Variants in INSL3 observed in about 807,000 individuals in gnomAD.
INSL3 encodes insulin-like 3.
In INSL3, 6 loss-of-function variants were observed where a neutral mutation model predicts 5.5. The observed-to-expected ratio is 1.08, with a 90% CI of 0.59 to 2.14. The LOEUF (loss-of-function observed/expected upper bound fraction) is 2.14, where lower values mean the gene tolerates loss of function less well. INSL3 is among the 30% of genes most tolerant of loss of function. The pLI, the probability that INSL3 is intolerant of heterozygous loss-of-function variation, is 0.00. For missense variants in INSL3, 178 were observed against 184.7 expected, an observed-to-expected ratio of 0.96 and a Z score of 0.21; for synonymous variants, 86 against 82.1, an observed-to-expected ratio of 1.05 and a Z score of -0.26.
In INSL3 at chr19:17,821,436, G is replaced by C. The variant is rs186828508; in HGVS notation, c.71C>G (p.Ala24Gly). The change falls in exon 1 of 2, where the codon GCG (alanine) becomes GGG (glycine). Residue 24 changes from alanine to glycine, a missense_variant. Coordinates refer to ENST00000317306, the MANE Select transcript of INSL3 (RefSeq NM_005543.4). ...GPALVFALGP[A>G]PTPEMREKLC... ...CTTCTCACGCATCTCTGGGGTGGGC[G>C]CGGGGCCCAACGCGAACACCAGGGC... The C allele has an allele frequency of 1.5e-3, 2,357 of 1,544,556 alleles. 5 individuals carry two copies. The highest frequency in any genetic ancestry group is 1.5e-3 in the Non-Finnish European group (1,703 of 1,142,958).
intron 1 of INSL3, among the ~76,000 whole-genome samples, chr19:17,819,692 T>A (rs1030709562): frequency 4.6e-5 from 7 of 151,760 alleles, no homozygotes; most frequent in African/African-American, 1.5e-4. Flanking sequence ...ATACAAAAAA[T>A]TTAGCTGGGC....
At chr19:17,821,182 T>G (rs1272954978) in intron 1 of INSL3, 135 bp downstream of exon 1, 1 of 1,043,002 alleles carries the variant, frequency 9.6e-7, no homozygotes, top group African/African-American at 1.6e-5. Context: ...CCACGATCTG[T>G]GCACGCAGCC....
intron 1 of INSL3, chr19:17,820,304 AAAT>A (rs1406583536): frequency 8.9e-6 from 3 of 336,930 alleles, no homozygotes; most frequent in Admixed American, 8.9e-5. Flanking sequence ...AATAAAAATA[AAAT>A]AATAAAATAA....
chr19:17,820,423 C>G, intron 1 of INSL3: 1 of 380,824 alleles, frequency 2.6e-6, no homozygotes, highest in South Asian at 1.9e-5. Flanking sequence ...TTTGGAAGGT[C>G]AAGGTGGGAG....
chr19:17,816,667 G>T lies in INSL3; in HGVS notation c.*187C>A. 1.6e-6 allele frequency: 1 copy of T among 631,816 alleles called. No homozygotes were observed. Among genetic ancestry groups the T allele is most frequent in the Non-Finnish European group, 2.8e-6 (1 of 353,756 alleles). The allele number at this position is 631,816 out of a possible 1,614,324, so 39.1% of individuals were successfully genotyped here. A position where few individuals can be genotyped will look rare whatever the true frequency, so the allele number is the denominator to read the frequency against. ...ATCCTCCAAGCCAGGGCTAGGGTGT[G>T]ATTTATTCTGCAGTTGACTCCACAG... On this transcript the variant is annotated 3_prime_UTR_variant, in exon 2 of 2. Coordinates refer to ENST00000317306, the MANE Select transcript of INSL3 (RefSeq NM_005543.4).
At position 17,817,072 on chromosome 19, in the gene INSL3, T is replaced by G. The variant is rs147619985; in HGVS notation, c.191-13A>C. 6.2e-7 allele frequency: 1 copy of G among 1,610,792 alleles called. No homozygotes were observed. Among genetic ancestry groups the G allele is most frequent in the African/African-American group, 1.3e-5 (1 of 74,834 alleles). On this transcript the variant is annotated splice_polypyrimidine_tract_variant and intron_variant, in intron 1 of 1. Transcript: ENST00000317306. ...TGTAGCAACTCACCTGGGGACAGAG[T>G]GAAACTCAGCTGGAACGGAAACGAC... is the stretch of plus-strand genomic sequence containing the variant.
At chr19:17,819,612 C>G (rs2382986) in intron 1 of INSL3, among the ~76,000 whole-genome samples, 2 of 152,022 alleles carry the variant, frequency 1.3e-5, no homozygotes, top group Non-Finnish European at 2.9e-5. Context: ...GAGGCCGAGG[C>G]AGGTGGATCA....
At chr19:17,817,265 C>G (rs1436763403) in intron 1 of INSL3, among the ~76,000 whole-genome samples, 1 of 147,098 alleles carries the variant, frequency 6.8e-6, no homozygotes, top group South Asian at 2.2e-4. Flanking sequence ...ATCACGAGGT[C>G]AGGAGTTTGA....
Position 17,821,380 on chromosome 19 carries a change from C to G in INSL3, c.127G>C (p.Val43Leu). The G allele has an allele frequency of 1.3e-6, 2 of 1,548,622 alleles. No homozygotes were observed. Among genetic ancestry groups the G allele is most frequent in the Non-Finnish European group, 1.7e-6 (2 of 1,146,166 alleles). ...CAGCGGGGGCCCCCGCACACGCGCA[C>G]TAGCGCGCGTACGAAGTGGTGGCCG... ...LCGHHFVRAL[V>L]RVCGGPRWST... The change falls in exon 1 of 2, where the codon GTG (valine) becomes CTG (leucine). Residue 43 changes from valine (V) to leucine (L), a missense_variant. Coordinates refer to ENST00000317306, the MANE Select transcript of INSL3 (RefSeq NM_005543.4).
In INSL3 at chr19:17,816,551, G is replaced by T; in HGVS notation, c.*303C>A. The T allele has an allele frequency of 2.2e-6, 1 of 461,220 alleles. No homozygotes were observed. Among genetic ancestry groups the T allele is most frequent in the Non-Finnish European group, 4.0e-6 (1 of 250,544 alleles). 28.6% of individuals were successfully genotyped at this position (461,220 alleles called of 1,614,324 possible). ...TTTATTTACTAAGAGACAGCAAGAA[G>T]GGGTGTTACACATGCAGGGAGCGGA... On this transcript the variant is annotated 3_prime_UTR_variant, in exon 2 of 2. Coordinates refer to ENST00000317306, the MANE Select transcript of INSL3 (RefSeq NM_005543.4).
At chr19:17,819,262 T>G (rs978433137) in intron 1 of INSL3, among the ~76,000 whole-genome samples, 1 of 149,706 alleles carries the variant, frequency 6.7e-6, no homozygotes, top group Non-Finnish European at 1.5e-5. Flanking sequence ...AATAATAATA[T>G]TAATATTTTT....
At chr19:17,817,123 T>A in intron 1 of INSL3, 64 bp from the exon 2 acceptor site, 1 of 1,480,584 alleles carries the variant, frequency 6.8e-7, no homozygotes, top group Admixed American at 1.9e-5. Context: ...CCATGCTGCA[T>A]GTGCACGAAT....
intron 1 of INSL3, among the ~76,000 whole-genome samples, chr19:17,819,110 G>C (rs114921216): frequency 0.033 from 4,959 of 150,532 alleles, 291 homozygotes; most frequent in African/African-American, 0.11. Context: ...CCTGAGAGTA[G>C]CTAGTCACAG....
rs2094188621 is a variant in INSL3, at chr19:17,816,962, C to T, written c.288G>A (p.Gln96=). 6.2e-7 allele frequency: 1 copy of T among 1,614,082 alleles called. No individual in the cohort carries two copies. The highest frequency in any genetic ancestry group is 8.5e-7 in the Non-Finnish European group (1 of 1,180,002). Residue 96 remains glutamine (Q), a synonymous_variant, in exon 2 of 2, where the codon CAG becomes CAA. Transcript: ENST00000317306. ...TLGPGLQPLP[Q]TSHHHRHHRA... Reference sequence around the variant, plus strand: ...GGTGGTGGCGGTGATGGTGAGAGGTCTGGGGCAGGGGCTGCAGGCCAGGTC... The same window carrying T: ...GGTGGTGGCGGTGATGGTGAGAGGTTTGGGGCAGGGGCTGCAGGCCAGGTC...
Position 17,820,688 on chromosome 19 carries a change from C to A in INSL3, c.190+629G>T, listed in dbSNP as rs4808100. ...ACAAACAAACAAAGCAAAATTAAGG[C>A]AAAAATTCATGAAGATCAAAATATT... On this transcript the variant is annotated intron_variant, in intron 1 of 1. Coordinates refer to ENST00000317306, the MANE Select transcript of INSL3 (RefSeq NM_005543.4). Among the ~76,000 whole-genome samples the A allele has an allele frequency of 1.3e-5, 2 of 151,808 alleles. 1 individual carries two copies. The highest frequency in any genetic ancestry group is 4.2e-4 in the South Asian group (2 of 4,818).
Sources: gnomAD v4.1 joint callset for allele counts (sites outside exome capture counted in the v4.1 genomes callset) on GRCh38, gnomAD v4.1.1 for gene constraint, MANE v1.5 for transcripts, NCBI Gene and HGNC (gene_info 2026-07-23, HGNC 2026-07-21) for gene names.